KCNB2: variants seen among roughly 807,000 people sequenced by gnomAD.
The protein encoded by KCNB2 is potassium voltage-gated channel subfamily B member 2.
Under a neutral mutation model 61.5 loss-of-function variants are expected in KCNB2, and 15 were observed. The observed-to-expected ratio is 0.24, with a 90% CI of 0.16 to 0.38. The LOEUF (loss-of-function observed/expected upper bound fraction) is 0.38, where lower values mean the gene tolerates loss of function less well. Ranked by LOEUF, KCNB2 falls within the 10% of genes least tolerant of loss-of-function variation. The pLI, the probability that KCNB2 is intolerant of heterozygous loss-of-function variation, is 1.00. For synonymous variants in KCNB2, 457 were observed against 446.0 expected (o/e 1.02, Z -0.31); for missense variants, 828 against 1,125.2 (o/e 0.74, Z 3.78).
intron 2 of KCNB2, among the ~76,000 whole-genome samples, chr8:72,827,930 A>G (rs1404900068): frequency 6.6e-6 from 1 of 151,506 alleles, no homozygotes; most frequent in Non-Finnish European, 1.5e-5. Flanking sequence ...CTCCTGCCTC[A>G]TCCTCCTGAG....
chr8:72,756,011 TG>T (rs1469899929), intron 2 of KCNB2, among the ~76,000 whole-genome samples: 1 of 152,200 alleles, frequency 6.6e-6, no homozygotes, highest in Non-Finnish European at 1.5e-5. Flanking sequence ...TGCTGCTTTC[TG>T]GCCATGACTA....
intron 2 of KCNB2, among the ~76,000 whole-genome samples, chr8:72,582,808 A>T (rs939508646): frequency 2.6e-5 from 4 of 151,956 alleles, no homozygotes; most frequent in Admixed American, 2.0e-4. Context: ...TTTTGTAGAG[A>T]CGAGGTCTTG....
At chr8:72,806,097 C>A (rs187116200) in intron 2 of KCNB2, among the ~76,000 whole-genome samples, 1 of 152,092 alleles carries the variant, frequency 6.6e-6, no homozygotes, top group Non-Finnish European at 1.5e-5. Flanking sequence ...TGGTGGCTCA[C>A]GCCTGTAATC....
intron 2 of KCNB2, among the ~76,000 whole-genome samples, chr8:72,694,793 G>C (rs1402589867): frequency 6.6e-6 from 1 of 151,536 alleles, no homozygotes; most frequent in Admixed American, 6.6e-5. Context: ...CATTAAGAAG[G>C]TAAAAGTACA....
intron 1 of KCNB2, among the ~76,000 whole-genome samples, chr8:72,558,973 T>C (rs969182745): frequency 2.6e-5 from 4 of 151,646 alleles, no homozygotes; most frequent in African/African-American, 9.7e-5. Context: ...AGAGGGAGAA[T>C]AGCACATTAA....
chr8:72,751,515 A>G (rs186136071), intron 2 of KCNB2: 15 of 152,216 alleles, frequency 9.9e-5, no homozygotes, highest in Admixed American at 8.5e-4. Flanking sequence ...TCTTAACAGG[A>G]ACCTTCTGGA....
chr8:72,624,679 T>G (rs966520691), intron 2 of KCNB2, among the ~76,000 whole-genome samples: 1 of 152,222 alleles, frequency 6.6e-6, no homozygotes, highest in African/African-American at 2.4e-5. Flanking sequence ...AGCATTGCAG[T>G]AGGCAGATTG....
chr8:72,551,954 C>T lies in KCNB2; in HGVS notation c.-94+14069C>T, dbSNP rs75814242. The stretch of plus-strand genomic sequence containing the variant: ...CAAGTTCTAGGTCATAAAATGGAAC[C>T]GGGAGCCCAGTTCCCAAGAACTGCT... On this transcript the variant is annotated intron_variant, in intron 1 of 2. Coordinates refer to ENST00000523207, the MANE Select transcript of KCNB2 (RefSeq NM_004770.3). Among the ~76,000 whole-genome samples, 788 of 152,180 alleles carry T rather than the reference C, an allele frequency of 5.2e-3. 7 individuals are homozygous for T. Among genetic ancestry groups the T allele is most frequent in the African/African-American group, 0.017 (724 of 41,508 alleles).
intron 2 of KCNB2, among the ~76,000 whole-genome samples, chr8:72,688,045 T>C (rs922977826): frequency 7.2e-5 from 11 of 152,140 alleles, no homozygotes; most frequent in African/African-American, 2.7e-4. Context: ...TTGCTGGAGA[T>C]AGAACCAAAG....
intron 1 of KCNB2, among the ~76,000 whole-genome samples, chr8:72,561,747 G>GTA (rs1320328900): frequency 2.5e-4 from 4 of 16,042 alleles, no homozygotes; most frequent in African/African-American, 3.6e-4. Context: ...ATATATATAT[G>GTA]TATATATATA....
chr8:72,803,298 T>C (rs1228877792), intron 2 of KCNB2, among the ~76,000 whole-genome samples: 1 of 152,166 alleles, frequency 6.6e-6, no homozygotes, highest in Non-Finnish European at 1.5e-5. Flanking sequence ...TAACTTTCCC[T>C]GTATTGCCTG....
chr8:72,874,073 A>C (rs10096807), intron 2 of KCNB2, among the ~76,000 whole-genome samples: 69,979 of 152,120 alleles, frequency 0.46, 18,159 homozygotes, highest in African/African-American at 0.7. Context: ...GTGGACTTAC[A>C]TTCTCCTGCT....
At chr8:72,672,363 C>T (rs1806578790) in intron 2 of KCNB2, among the ~76,000 whole-genome samples, 2 of 152,132 alleles carry the variant, frequency 1.3e-5, no homozygotes, top group Admixed American at 1.3e-4. Flanking sequence ...GTAGACATTT[C>T]CACTACAGTT....
chr8:72,833,612 A>C (rs181242131), intron 2 of KCNB2, among the ~76,000 whole-genome samples: 1 of 152,290 alleles, frequency 6.6e-6, no homozygotes, highest in Admixed American at 6.5e-5. Flanking sequence ...TTCTAAACTA[A>C]TGGCATCTTT....
intron 2 of KCNB2, among the ~76,000 whole-genome samples, chr8:72,787,635 A>T (rs924178019): frequency 6.6e-6 from 1 of 152,092 alleles, no homozygotes; most frequent in Non-Finnish European, 1.5e-5. Flanking sequence ...TTACAACTGG[A>T]GATTGGAAAT....
chr8:72,810,210 C>G (rs570144698), intron 2 of KCNB2, among the ~76,000 whole-genome samples: 127 of 152,246 alleles, frequency 8.3e-4, no homozygotes, highest in African/African-American at 3.1e-3. Flanking sequence ...GGGTTCAGCA[C>G]CAAGTGGACA....
chr8:72,731,569 C>T (rs1807738163), intron 2 of KCNB2, among the ~76,000 whole-genome samples: 1 of 152,166 alleles, frequency 6.6e-6, no homozygotes, highest in East Asian at 1.9e-4. Context: ...GCCACTTCCT[C>T]AAGGATAAAT....
At chr8:72,693,928 C>T (rs1268807145) in intron 2 of KCNB2, among the ~76,000 whole-genome samples, 1 of 152,072 alleles carries the variant, frequency 6.6e-6, no homozygotes, top group Non-Finnish European at 1.5e-5. Flanking sequence ...TTTTTCATTT[C>T]TTAAACTACA....
intron 1 of KCNB2, among the ~76,000 whole-genome samples, chr8:72,555,212 G>C (rs570841132): frequency 6.6e-6 from 1 of 151,788 alleles, no homozygotes; most frequent in Admixed American, 6.6e-5. Context: ...TCCCAAGGAG[G>C]GATGAGAAAT....
Sources: gnomAD v4.1 joint callset for allele counts (sites outside exome capture counted in the v4.1 genomes callset) on GRCh38, gnomAD v4.1.1 for gene constraint, MANE v1.5 for transcripts, NCBI Gene and HGNC (gene_info 2026-07-23, HGNC 2026-07-21) for gene names.